The following SOCS5 variants were observed in gnomAD, a reference collection of about 807,000 sequenced individuals.
The protein encoded by SOCS5 is CIS-6.
Under a neutral mutation model 42.8 loss-of-function variants are expected in SOCS5, and 32 were observed. The ratio of observed to expected loss-of-function variants is 0.75; its 90% CI spans 0.56 to 1.01. The LOEUF (loss-of-function observed/expected upper bound fraction) is 1.01, where lower values mean the gene tolerates loss of function less well. SOCS5 is among the 50% of genes least tolerant of loss of function. The pLI is 0.00. For missense variants in SOCS5, 627 were observed against 653.0 expected (o/e 0.96, Z 0.43); for synonymous variants, 283 against 229.6 (o/e 1.23, Z -2.10).
chr2:46,749,055 A>AT (rs1673568207), intron 1 of SOCS5, among the ~76,000 whole-genome samples: 1 of 152,196 alleles, frequency 6.6e-6, no homozygotes, highest in African/African-American at 2.4e-5. Context: ...TGTGGGAAGC[A>AT]TTGATGCCCT....
rs538817286 is a variant in SOCS5, at chr2:46,699,526, G to C, written c.-13+77G>C. ...CGCCGTCGTCCGCGGCCGCCTCTCGGTGCCCCAGTGCCCGCGCCCGGCGCA... is the reference window on the plus strand; with the variant it reads ...CGCCGTCGTCCGCGGCCGCCTCTCGCTGCCCCAGTGCCCGCGCCCGGCGCA... On this transcript the variant is annotated intron_variant, in intron 1 of 1. Transcript: ENST00000394861. This position sits in a 1 kb window ranked among gnomAD's most constrained non-coding sequence, Gnocchi z 4.8. The C allele has an allele frequency of 1.7e-4, 26 of 151,800 alleles. No individual in the cohort carries two copies. In the South Asian group the frequency reaches 4.7e-3, roughly 27 times the overall value. 9.4% of individuals were successfully genotyped at this position (151,800 alleles called of 1,614,324 possible). A position where few individuals can be genotyped will look rare whatever the true frequency, so the allele number is the denominator to read the frequency against.
chr2:46,707,274 T>G (rs934927217), intron 1 of SOCS5, among the ~76,000 whole-genome samples: 2 of 152,222 alleles, frequency 1.3e-5, no homozygotes, highest in Non-Finnish European at 2.9e-5. Context: ...AGGAGATAGT[T>G]GAAACGTTTT....
intron 1 of SOCS5, among the ~76,000 whole-genome samples, chr2:46,732,550 A>AT (rs1209116666): frequency 1.3e-5 from 2 of 152,236 alleles, no homozygotes; most frequent in African/African-American, 4.8e-5. Flanking sequence ...CAAATTCATC[A>AT]TGGCCCAATG....
At chr2:46,730,989 A>T (rs1353335060) in intron 1 of SOCS5, among the ~76,000 whole-genome samples, 3 of 152,198 alleles carry the variant, frequency 2.0e-5, no homozygotes, top group Non-Finnish European at 4.4e-5. Context: ...TCTCCATTGT[A>T]GAAGTAGGCT....
chr2:46,713,228 C>T (rs1239178480), intron 1 of SOCS5, among the ~76,000 whole-genome samples: 2 of 152,128 alleles, frequency 1.3e-5, no homozygotes, highest in African/African-American at 4.8e-5. Flanking sequence ...TGGTGGCGCA[C>T]ACCTGTAGTT....
intron 1 of SOCS5, among the ~76,000 whole-genome samples, chr2:46,725,638 C>T (rs1462316909): frequency 6.6e-6 from 1 of 152,040 alleles, no homozygotes; most frequent in African/African-American, 2.4e-5. Context: ...TACATAGTTT[C>T]TGCTTTGAAC....
Position 46,759,307 on chromosome 2 carries a change from T to C in SOCS5, c.777T>C (p.Asp259=). The C allele has an allele frequency of 1.2e-6, 2 of 1,613,996 alleles. No homozygotes were observed. The highest frequency in any genetic ancestry group is 1.7e-6 in the Non-Finnish European group (2 of 1,179,860). ...TFDPSLVSTE[D]EEDRLRERRR... ...ATCCATCTTTGGTTTCTACAGAAGA[T>C]GAAGAAGATAGGCTTAGAGAGAGAA... The change falls in exon 2 of 2, where the codon GAT becomes GAC. Residue 259 remains aspartate, a synonymous_variant. Transcript: ENST00000394861.
intron 1 of SOCS5, among the ~76,000 whole-genome samples, chr2:46,755,849 G>C (rs1673720888): frequency 6.6e-6 from 1 of 152,170 alleles, no homozygotes; most frequent in South Asian, 2.1e-4. Flanking sequence ...ATGCCTTCCT[G>C]ATTGTTATGT....
intron 1 of SOCS5, among the ~76,000 whole-genome samples, chr2:46,746,922 C>CTTTTTTTTTTTTTTTTTTTTTTTTTT (rs11373537): frequency 5.7e-5 from 4 of 70,790 alleles, no homozygotes; most frequent in Non-Finnish European, 8.5e-5. Context: ...GACTTTATTT[C>CTTTTTTTTTTTTTTTTTTTTTTTTTT]TTTTTTTTTT....
Position 46,759,575 on chromosome 2 carries a change from A to T in SOCS5, c.1045A>T (p.Thr349Ser). ...KQRQISGDSHTHVSRQGAWKV... is the reference protein window; with the variant it reads ...KQRQISGDSHSHVSRQGAWKV... ...GCGTCAGATATCTGGAGACAGCCAT[A>T]CCCATGTTAGCAGACAGGGAGCTTG... is the stretch of plus-strand genomic sequence containing the variant. The change falls in exon 2 of 2, where the codon ACC becomes TCC. Residue 349 changes from threonine to serine, a missense_variant. This residue lies in a region of SOCS5 where 340 missense variants were observed against 367.6 expected (regional missense o/e 0.92). Coordinates refer to ENST00000394861, the MANE Select transcript of SOCS5 (RefSeq NM_144949.3). 6.2e-7 allele frequency: 1 copy of T among 1,613,966 alleles called. No individual in the cohort carries two copies. Among genetic ancestry groups the T allele is most frequent in the Middle Eastern group, 1.7e-4 (1 of 6,056 alleles).
intron 1 of SOCS5, among the ~76,000 whole-genome samples, chr2:46,713,475 A>G (rs1457648492): frequency 6.6e-6 from 1 of 152,228 alleles, no homozygotes; most frequent in African/African-American, 2.4e-5. Flanking sequence ...ATTTTATGAA[A>G]CAATATTTCC....
intron 1 of SOCS5, among the ~76,000 whole-genome samples, chr2:46,753,805 A>G (rs1245211225): frequency 6.6e-6 from 1 of 152,184 alleles, no homozygotes; most frequent in Non-Finnish European, 1.5e-5. Context: ...TTTTCAGACC[A>G]TGTAAGGTAA....
At chr2:46,731,995 C>T (rs1219641801) in intron 1 of SOCS5, among the ~76,000 whole-genome samples, 1 of 152,104 alleles carries the variant, frequency 6.6e-6, no homozygotes, top group Non-Finnish European at 1.5e-5. Context: ...AAGTTAACAC[C>T]AGATGTGGAT....
At chr2:46,725,995 CT>C (rs558728107) in intron 1 of SOCS5, among the ~76,000 whole-genome samples, 7 of 148,910 alleles carry the variant, frequency 4.7e-5, no homozygotes, top group African/African-American at 7.4e-5. Flanking sequence ...TAATGCGTCA[CT>C]TTTTTTTTTC....
At position 46,761,421 on chromosome 2, in the gene SOCS5, C is replaced by T. The variant is rs1226020793; in HGVS notation, c.*1280C>T. ...ATGTGCTCTGTACCACTGGTGAGTG[C>T]TCCATAGTTTCCTTACCTGCTGCTA... On this transcript the variant is annotated 3_prime_UTR_variant, in exon 2 of 2. Coordinates refer to ENST00000394861, the MANE Select transcript of SOCS5 (RefSeq NM_144949.3). 6.0e-6 allele frequency: 1 copy of T among 167,106 alleles called. No individual in the cohort carries two copies. The highest frequency in any genetic ancestry group is 1.5e-5 in the Non-Finnish European group (1 of 68,124). 10.4% of individuals were successfully genotyped at this position (167,106 alleles called of 1,614,324 possible).
intron 1 of SOCS5, among the ~76,000 whole-genome samples, chr2:46,703,741 G>C (rs1359549326): frequency 2.0e-5 from 3 of 152,032 alleles, no homozygotes; most frequent in African/African-American, 7.3e-5. Context: ...TACTTTCTTA[G>C]TTTCAGTGCA....
Position 46,759,039 on chromosome 2 carries a change from G to A in SOCS5, c.509G>A (p.Arg170Lys), listed in dbSNP as rs1376299102. 6.2e-7 allele frequency: 1 copy of A among 1,614,016 alleles called. No individual in the cohort carries two copies. Among genetic ancestry groups the A allele is most frequent in the East Asian group, 2.2e-5 (1 of 44,884 alleles). The change falls in exon 2 of 2, where the codon AGA (arginine) becomes AAA (lysine). Residue 170 changes from arginine to lysine, a missense_variant. Transcript: ENST00000394861. ...SVHDMDSVSS[R>K]TVGSRSLRQR... ...CACGACATGGACAGTGTTTCCAGCA[G>A]AACTGTAGGAAGTCGCTCTCTAAGA...
rs1673301533 is a variant in SOCS5, at chr2:46,738,490, A to G, written c.-12-20029A>G. Among the ~76,000 whole-genome samples, 3 of 152,340 alleles carry G rather than the reference A, an allele frequency of 2.0e-5. No homozygotes were observed. In the South Asian group the frequency reaches 6.2e-4, roughly 32 times the overall value. ...CCTGGTAAATAACATTTCAAGTACA[A>G]ACCTGGGGAGACATATTGTTAATTT... On this transcript the variant is annotated intron_variant, in intron 1 of 1. Coordinates refer to ENST00000394861, the MANE Select transcript of SOCS5 (RefSeq NM_144949.3).
intron 1 of SOCS5, among the ~76,000 whole-genome samples, chr2:46,757,535 C>T (rs1031880625): frequency 6.6e-6 from 1 of 152,088 alleles, no homozygotes; most frequent in Non-Finnish European, 1.5e-5. Flanking sequence ...ATTACAGTTT[C>T]CCAACTCTTC....
Sources: allele counts gnomAD v4.1 joint callset (sites outside exome capture counted in the v4.1 genomes callset), GRCh38; gene constraint gnomAD v4.1.1; regional missense constraint gnomAD v4.1.1; non-coding constraint Gnocchi (gnomAD v3.1); transcripts MANE v1.5; gene names NCBI Gene and HGNC (gene_info 2026-07-23, HGNC 2026-07-21).